The following CRB1 variants were observed in gnomAD, a reference collection of about 807,000 sequenced individuals.
CRB1 encodes the protein crumbs cell polarity complex component 1.
Under a neutral mutation model 120.0 loss-of-function variants are expected in CRB1, and 83 were observed. The observed-to-expected ratio is 0.69, with a 90% confidence interval of 0.58 to 0.83. The LOEUF is 0.83. Ranked by LOEUF, CRB1 falls within the 40% of genes least tolerant of loss-of-function variation. CRB1 has a pLI of 0.00. For missense variants in CRB1, 1,699 were observed against 1,687.6 expected (o/e 1.01, Z -0.12); for synonymous variants, 625 against 612.5 (o/e 1.02, Z -0.30).
chr1:197,401,242 A>G (rs1450062346), intron 5 of CRB1, among the ~76,000 whole-genome samples: 1 of 151,790 alleles, frequency 6.6e-6, no homozygotes, highest in Non-Finnish European at 1.5e-5. Context: ...TATTTTTTGT[A>G]TATTATTTTG....
chr1:197,222,567 G>A, the CRB1 span: 11 of 768,264 alleles, frequency 1.4e-5, no homozygotes, highest in African/African-American at 6.8e-5. Context: ...ATTTTCTGAC[G>A]AAACTCCTGT....
Position 197,463,290 on chromosome 1 carries a change from C to T in CRB1, c.4006-14374C>T, listed in dbSNP as rs1481895368. Among the ~76,000 whole-genome samples, 4 of 152,014 alleles carry T rather than the reference C, an allele frequency of 2.6e-5. No homozygotes were observed. In the South Asian group the frequency reaches 6.2e-4, roughly 24 times the overall value. ...CACCTGCTGTGTGCTAGGCACCTTC[C>T]TAGAACTGAAAACAAAACCCTTCCA... On this transcript the variant is annotated intron_variant, in intron 11 of 11. Transcript: ENST00000367400.
At chr1:197,349,706 T>C (rs1353652769) in intron 4 of CRB1, among the ~76,000 whole-genome samples, 13 of 152,216 alleles carry the variant, frequency 8.5e-5, no homozygotes, top group Non-Finnish European at 1.9e-4. Context: ...AAAATGAAGT[T>C]TGGAATGCTG....
At chr1:197,263,005 T>C in the CRB1 span, among the ~76,000 whole-genome samples, 2 of 152,212 alleles carry the variant, frequency 1.3e-5, no homozygotes, top group African/African-American at 4.8e-5. Flanking sequence ...TGCATGTGTA[T>C]TTCTTGTAGA....
Position 197,328,929 on chromosome 1 carries a change from A to C in CRB1, c.578A>C (p.Asp193Ala). The C allele has an allele frequency of 1.2e-6, 2 of 1,614,256 alleles. No individual in the cohort carries two copies. The highest frequency in any genetic ancestry group is 1.7e-6 in the Non-Finnish European group (2 of 1,180,042). ...TTGGAAGTGGATGAATGTGCTTCAG[A>C]TCCCTGCAAGAACGAGGCTACATGC... is the stretch of plus-strand genomic sequence containing the variant. Reference protein sequence around the residue: ...CDLEVDECASDPCKNEATCLN... With the variant: ...CDLEVDECASAPCKNEATCLN... The change falls in exon 2 of 12, where the codon GAT (aspartate) becomes GCT (alanine). Residue 193 changes from aspartate (D) to alanine (A), a missense_variant. By Grantham distance (126) the Asp-to-Ala change is moderately radical (BLOSUM62 -2). Coordinates refer to ENST00000367400, the MANE Select transcript of CRB1 (RefSeq NM_201253.3).
chr1:197,397,864 T>A (rs1662850496), intron 5 of CRB1, among the ~76,000 whole-genome samples: 1 of 152,076 alleles, frequency 6.6e-6, no homozygotes, highest in Non-Finnish European at 1.5e-5. Context: ...GAAGGAAGTG[T>A]TCTACAGCTC....
the CRB1 span, among the ~76,000 whole-genome samples, chr1:197,258,157 ATAAC>A: frequency 1.3e-5 from 2 of 152,238 alleles, no homozygotes; most frequent in Non-Finnish European, 2.9e-5. Flanking sequence ...ACATTTTAAA[ATAAC>A]TAAAATAGTA....
At chr1:197,315,192 C>A (rs1413955072) in intron 1 of CRB1, among the ~76,000 whole-genome samples, 1 of 152,158 alleles carries the variant, frequency 6.6e-6, no homozygotes, top group East Asian at 1.9e-4. Context: ...TTATTTCCTA[C>A]CTTTTTTTTT....
the CRB1 span, among the ~76,000 whole-genome samples, chr1:197,231,096 A>G: frequency 6.6e-6 from 1 of 152,256 alleles, no homozygotes; most frequent in East Asian, 1.9e-4. Context: ...ACCATCAACA[A>G]TTTGGAGTTG....
chr1:197,321,195 G>A (rs12139826), intron 1 of CRB1, among the ~76,000 whole-genome samples: 25,124 of 152,166 alleles, frequency 0.17, 2,297 homozygotes, highest in Middle Eastern at 0.25. Flanking sequence ...AGGCATGTCT[G>A]TATTCACCAA....
intron 3 of CRB1, among the ~76,000 whole-genome samples, chr1:197,346,897 G>C (rs943504666): frequency 1.3e-5 from 2 of 151,978 alleles, no homozygotes; most frequent in African/African-American, 4.8e-5. Flanking sequence ...CCTTATTAAT[G>C]GGCTCTCTGT....
At chr1:197,314,089 C>T (rs908472619) in intron 1 of CRB1, among the ~76,000 whole-genome samples, 4 of 152,194 alleles carry the variant, frequency 2.6e-5, no homozygotes, top group Admixed American at 2.6e-4. Flanking sequence ...AATATTTGGC[C>T]ATTATTAATT....
rs2125488923 is a variant in CRB1 at position 197,429,514 on chromosome 1, T to C, written c.2742T>C (p.Pro914=). 1.2e-6 allele frequency: 2 copies of C among 1,614,090 alleles called. No homozygotes were observed. Residue 914 remains proline, a synonymous_variant, in exon 8 of 12, where the codon CCT becomes CCC. Coordinates refer to ENST00000367400, the MANE Select transcript of CRB1 (RefSeq NM_201253.3). Reference sequence around the variant, plus strand: ...GGGATGACTTCTCCTGTTCCTGTCCTGCCCTCACAAGTGGGAAAGCCTGTG... The same window carrying C: ...GGGATGACTTCTCCTGTTCCTGTCCCGCCCTCACAAGTGGGAAAGCCTGTG... ...SRWDDFSCSC[P]ALTSGKACEE... is the part of the protein sequence containing the mutation.
At chr1:197,357,645 T>C (rs1660559193) in intron 5 of CRB1, 1 of 158,050 alleles carries the variant, frequency 6.3e-6, no homozygotes. Context: ...TGCATTGATA[T>C]CACTGAGAAA....
chr1:197,464,334 T>C (rs895554954), intron 11 of CRB1, among the ~76,000 whole-genome samples: 3 of 152,170 alleles, frequency 2.0e-5, no homozygotes, highest in African/African-American at 7.2e-5. Context: ...CATCAATCCT[T>C]GGAAACAGGA....
chr1:197,259,839 G>A, the CRB1 span, among the ~76,000 whole-genome samples: 49 of 151,964 alleles, frequency 3.2e-4, 1 homozygote, highest in Non-Finnish European at 8.8e-5. Flanking sequence ...ACTGTACAAG[G>A]GAAGGCAAAA....
intron 1 of CRB1, among the ~76,000 whole-genome samples, chr1:197,268,802 G>C (rs1241293793): frequency 1.3e-5 from 2 of 152,246 alleles, no homozygotes; most frequent in East Asian, 3.9e-4. Context: ...TTACAAAATA[G>C]ATTTGGCCCT....
intron 11 of CRB1, 27 bp from the exon 12 acceptor site, chr1:197,477,637 G>T (rs767136361): frequency 4.4e-6 from 7 of 1,601,630 alleles, no homozygotes; most frequent in East Asian, 2.2e-5. Context: ...TATAGAATTC[G>T]CATCCCAATG....
intron 5 of CRB1, 154 bp downstream of exon 5, chr1:197,357,167 T>A: frequency 1.3e-6 from 1 of 749,602 alleles, no homozygotes; most frequent in Non-Finnish European, 2.4e-6. Flanking sequence ...AAAAGTATCT[T>A]GTTTCACATT....
Sources: allele counts gnomAD v4.1 joint callset (sites outside exome capture counted in the v4.1 genomes callset), GRCh38; gene constraint gnomAD v4.1.1; transcripts MANE v1.5; gene names NCBI Gene and HGNC (gene_info 2026-07-23, HGNC 2026-07-21).